Variants in TNIP3 observed in about 807,000 individuals in gnomAD.
TNIP3 encodes the protein TNFAIP3 interacting protein 3.
In TNIP3, 34 loss-of-function variants were observed where a neutral mutation model predicts 54.1. The ratio of observed to expected loss-of-function variants is 0.63; its 90% confidence interval spans 0.48 to 0.84. The LOEUF (loss-of-function observed/expected upper bound fraction) is 0.84, where lower values mean the gene tolerates loss of function less well. TNIP3 is among the 40% of genes least tolerant of loss of function. The pLI, the probability that TNIP3 is intolerant of heterozygous loss-of-function variation, is 0.00. For synonymous variants in TNIP3, 134 were observed against 136.8 expected (o/e 0.98, Z 0.14); for missense variants, 366 against 387.6 (o/e 0.94, Z 0.47).
intron 2 of TNIP3, among the ~76,000 whole-genome samples, chr4:121,191,186 G>A (rs1389916251): frequency 6.6e-6 from 1 of 152,072 alleles, no homozygotes; most frequent in Non-Finnish European, 1.5e-5. Flanking sequence ...GAGACTATAA[G>A]GAATGCACAA....
intron 1 of TNIP3, among the ~76,000 whole-genome samples, chr4:121,162,485 A>G (rs1730511801): frequency 6.6e-6 from 1 of 152,060 alleles, no homozygotes; most frequent in Non-Finnish European, 1.5e-5. Context: ...AGTGTCAAGT[A>G]TGTTGGGGCC....
chr4:121,158,743 C>T lies in TNIP3; in HGVS notation c.157G>A (p.Val53Ile). 6.2e-7 allele frequency: 1 copy of T among 1,611,538 alleles called. No homozygotes were observed. The highest frequency in any genetic ancestry group is 2.2e-5 in the East Asian group (1 of 44,830). ...LEKQRKELLE[V>I]NQQWDQQFRS... is the part of the protein sequence containing the mutation. ...AATTGCTGATCCCATTGCTGGTTAA[C>T]TTCCAGGAGCTGAAATCATTAAAAT... The change falls in exon 3 of 11, where the codon GTT becomes ATT. Residue 53 changes from valine (V) to isoleucine (I), a missense_variant. Transcript: ENST00000057513.
At chr4:121,167,689 TA>T (rs570213573), upstream of TNIP3, among the ~76,000 whole-genome samples, 13 of 152,340 alleles carry the variant, frequency 8.5e-5, no homozygotes, top group South Asian at 2.7e-3. Flanking sequence ...AGTGGTTTTT[TA>T]ATTGGTTTTA....
upstream of TNIP3, among the ~76,000 whole-genome samples, chr4:121,165,797 T>C (rs1214473238): frequency 1.3e-5 from 2 of 152,056 alleles, no homozygotes; most frequent in Non-Finnish European, 2.9e-5. Context: ...ATCAAATTGT[T>C]CATTCAGGGT....
At chr4:121,221,337 T>C (rs1727015980), upstream of TNIP3, among the ~76,000 whole-genome samples, 2 of 152,018 alleles carry the variant, frequency 1.3e-5, no homozygotes, top group African/African-American at 4.8e-5. Context: ...TCTCCATAAA[T>C]ATTAAAAAAG....
chr4:121,178,755 A>T (rs1234027487), intron 3 of TNIP3, among the ~76,000 whole-genome samples: 1 of 152,224 alleles, frequency 6.6e-6, no homozygotes, highest in Non-Finnish European at 1.5e-5. Flanking sequence ...ATGTATATTC[A>T]GTGTTACCAT....
chr4:121,183,411 G>A (rs1180692602), intron 2 of TNIP3, among the ~76,000 whole-genome samples: 1 of 152,196 alleles, frequency 6.6e-6, no homozygotes, highest in African/African-American at 2.4e-5. Context: ...GCTTCCCAGA[G>A]GGAGTTGCTC....
intron 1 of TNIP3, among the ~76,000 whole-genome samples, chr4:121,223,242 C>T (rs980178752): frequency 1.3e-5 from 2 of 152,230 alleles, no homozygotes; most frequent in Non-Finnish European, 2.9e-5. Context: ...CAGATGCTCA[C>T]CCGCTTGAAA....
At chr4:121,154,334 T>A (rs1053190477) in intron 5 of TNIP3, 2 of 514,932 alleles carry the variant, frequency 3.9e-6, no homozygotes, top group South Asian at 4.9e-5. Flanking sequence ...TTTCTCATGA[T>A]GAATCTTTGT....
chr4:121,213,121 C>T (rs995453869), intron 2 of TNIP3, among the ~76,000 whole-genome samples: 31 of 152,130 alleles, frequency 2.0e-4, no homozygotes, highest in African/African-American at 7.5e-4. Context: ...TCCACCAATG[C>T]TTTACATAAA....
Position 121,141,827 on chromosome 4 carries a change from G to T in TNIP3, c.874C>A (p.Arg292=). ...GCACTCTTACTTACTGGGTGCTCCC[G>T]TTGCTTCTGCACAGCTCCAGGGCCT... ...PTGPGAVQKQ[R]EHPPDYQWYA... Residue 292 remains arginine (R), a synonymous_variant, in exon 9 of 11, where the codon CGG becomes AGG. Transcript: ENST00000057513. 6.5e-7 allele frequency: 1 copy of T among 1,542,618 alleles called. No homozygotes were observed.
chr4:121,161,239 A>G lies in TNIP3; in HGVS notation c.67-23T>C, dbSNP rs748450852. 3.9e-6 allele frequency: 6 copies of G among 1,535,140 alleles called. No individual in the cohort carries two copies. The East Asian group carries it at 9.4e-5, about 24-fold the overall frequency. ...ACACTTAGAAAAAAAAAAAGAGAGA[A>G]GATTGAAACAAAGCTGTTTACAAAA... On this transcript the variant is annotated intron_variant, in intron 1 of 10. Coordinates refer to ENST00000057513, the MANE Select transcript of TNIP3 (RefSeq NM_024873.6).
chr4:121,213,726 C>CA (rs34477589), intron 2 of TNIP3, among the ~76,000 whole-genome samples: 10,718 of 91,204 alleles, frequency 0.12, 535 homozygotes, highest in Non-Finnish European at 0.17. Flanking sequence ...GACTCCGTCT[C>CA]AAAAAAAAAA....
intron 7 of TNIP3, among the ~76,000 whole-genome samples, chr4:121,145,979 T>C (rs76779944): frequency 2.9e-5 from 4 of 137,432 alleles, no homozygotes; most frequent in Non-Finnish European, 3.2e-5. Flanking sequence ...CACCATCTCA[T>C]AAAAAAAAAA....
At chr4:121,165,869 TC>T (rs774255136), upstream of TNIP3, among the ~76,000 whole-genome samples, 2 of 152,172 alleles carry the variant, frequency 1.3e-5, no homozygotes, top group African/African-American at 2.4e-5. Flanking sequence ...AGCAGCGATT[TC>T]CTGAACTGAC....
upstream of TNIP3, among the ~76,000 whole-genome samples, chr4:121,167,516 G>A (rs921718150): frequency 2.0e-5 from 3 of 152,106 alleles, no homozygotes; most frequent in East Asian, 1.9e-4. Flanking sequence ...TAGTTATGAA[G>A]GATTCTGACA....
chr4:121,170,383 C>A (rs1730999341), intron 3 of TNIP3, among the ~76,000 whole-genome samples: 1 of 152,212 alleles, frequency 6.6e-6, no homozygotes, highest in Non-Finnish European at 1.5e-5. Context: ...GTCCAGAACA[C>A]ACAATGACCA....
chr4:121,211,908 C>A (rs1726495783), intron 2 of TNIP3, among the ~76,000 whole-genome samples: 1 of 152,184 alleles, frequency 6.6e-6, no homozygotes, highest in South Asian at 2.1e-4. Context: ...AAGCTCTGTG[C>A]CACCACAGCT....
intron 7 of TNIP3, 71 bp downstream of exon 7, chr4:121,146,978 C>T (rs72913742): frequency 0.055 from 83,930 of 1,515,686 alleles, 3,836 homozygotes; most frequent in South Asian, 0.21. Context: ...GAAGTCCAAA[C>T]GTCTTGAATT....
Sources: gnomAD v4.1 joint callset for allele counts (sites outside exome capture counted in the v4.1 genomes callset) on GRCh38, gnomAD v4.1.1 for gene constraint, MANE v1.5 for transcripts, NCBI Gene and HGNC (gene_info 2026-07-23, HGNC 2026-07-21) for gene names.